PTPRD: variants seen among roughly 807,000 people sequenced by gnomAD.
The protein encoded by PTPRD is protein tyrosine phosphatase receptor type D, also known as receptor-type tyrosine-protein phosphatase delta.
PTPRD carries 34 observed loss-of-function variants against 214.5 expected under a neutral mutation model. The observed-to-expected ratio is 0.16, with a 90% CI of 0.12 to 0.21. PTPRD has a LOEUF of 0.21. Ranked by LOEUF, PTPRD falls within the 10% of genes least tolerant of loss-of-function variation. The pLI, the probability that PTPRD is intolerant of heterozygous loss-of-function variation, is 1.00. For missense variants in PTPRD, 2,545 were observed against 2,398.7 expected (o/e 1.06, Z -1.27); for synonymous variants, 1,128 against 845.7 (o/e 1.33, Z -5.79).
intron 9 of PTPRD, among the ~76,000 whole-genome samples, chr9:9,274,151 C>T (rs1163358097): frequency 1.3e-5 from 2 of 151,132 alleles, no homozygotes; most frequent in Non-Finnish European, 3.0e-5. Context: ...CACAGCTGTG[C>T]TCAAATCCTA....
chr9:10,055,387 T>C (rs996882588), intron 3 of PTPRD, among the ~76,000 whole-genome samples: 11 of 152,128 alleles, frequency 7.2e-5, no homozygotes, highest in Non-Finnish European at 1.5e-4. Flanking sequence ...ACATTTTCCA[T>C]ATACTCTTTC....
Position 9,681,768 on chromosome 9 carries a change from G to A in PTPRD, c.-287+52765C>T, listed in dbSNP as rs577500950. On this transcript the variant is annotated intron_variant, in intron 7 of 45. Coordinates refer to ENST00000381196, the MANE Select transcript of PTPRD (RefSeq NM_002839.4). ...AGACTAGCAGTTACTTTAATTAAAA[G>A]GTGGTCACTAGAGAATTGATTTCCT... 3.3e-5 allele frequency among the ~76,000 whole-genome samples: 5 copies of A among 151,826 alleles called. No homozygotes were observed. The South Asian group carries it at 1.0e-3, about 32-fold the overall frequency.
At chr9:8,717,995 C>G (rs1451801155) in intron 12 of PTPRD, among the ~76,000 whole-genome samples, 1 of 152,114 alleles carries the variant, frequency 6.6e-6, no homozygotes, top group Non-Finnish European at 1.5e-5. Flanking sequence ...CCTTGTAACT[C>G]AAATGCCTGC....
intron 11 of PTPRD, among the ~76,000 whole-genome samples, chr9:9,005,843 G>T (rs1249738483): frequency 6.6e-6 from 1 of 151,942 alleles, no homozygotes; most frequent in Non-Finnish European, 1.5e-5. Context: ...ATTGTTCAGT[G>T]GCTGGGCTAC....
At chr9:8,505,216 C>T (rs1281299159) in intron 22 of PTPRD, among the ~76,000 whole-genome samples, 1 of 152,154 alleles carries the variant, frequency 6.6e-6, no homozygotes, top group East Asian at 1.9e-4. Flanking sequence ...CAATCTTGAA[C>T]ATCAGCCTGC....
chr9:9,760,535 C>G (rs757170323), intron 6 of PTPRD, among the ~76,000 whole-genome samples: 5 of 150,058 alleles, frequency 3.3e-5, no homozygotes, highest in Non-Finnish European at 7.4e-5. Flanking sequence ...TATGTACAGC[C>G]TCCTGATTGT....
chr9:9,075,443 G>C (rs886693503), intron 10 of PTPRD, among the ~76,000 whole-genome samples: 1 of 151,652 alleles, frequency 6.6e-6, no homozygotes, highest in African/African-American at 2.4e-5. Context: ...TTAAGTTCTA[G>C]GGTACATGTG....
chr9:10,589,748 G>A (rs2074946504), intron 2 of PTPRD, among the ~76,000 whole-genome samples: 1 of 151,948 alleles, frequency 6.6e-6, no homozygotes, highest in African/African-American at 2.4e-5. Flanking sequence ...GGCAGCAGAA[G>A]GCTTAGAATC....
rs192305661 is a variant in PTPRD at position 8,638,996 on chromosome 9, C to T, written c.65-2152G>A. Among the ~76,000 whole-genome samples the T allele has an allele frequency of 1.2e-3, 184 of 152,230 alleles. 2 individuals are homozygous for T. Among genetic ancestry groups the T allele is most frequent in the African/African-American group, 4.3e-3 (178 of 41,536 alleles). On this transcript the variant is annotated intron_variant, in intron 12 of 45. Coordinates refer to ENST00000381196, the MANE Select transcript of PTPRD (RefSeq NM_002839.4). ...TAGCTAGGACTACAGGTGCGTACCA[C>T]CACGCTCAGCTAATTTTTGTATTTT...
intron 3 of PTPRD, among the ~76,000 whole-genome samples, chr9:10,170,682 G>A (rs563356356): frequency 2.0e-5 from 3 of 152,218 alleles, no homozygotes; most frequent in East Asian, 1.9e-4. Flanking sequence ...GCAAGACTCC[G>A]TCTCAAAGAA....
In PTPRD at chr9:9,584,941, T is replaced by A. The variant is rs893557865; in HGVS notation, c.-286-10160A>T. ...CAAAAAATTCTAATGATGCCCTTTA[T>A]TGCACAACCACAAGGATGCCAAGAC... On this transcript the variant is annotated intron_variant, in intron 7 of 45. Coordinates refer to ENST00000381196, the MANE Select transcript of PTPRD (RefSeq NM_002839.4). Among the ~76,000 whole-genome samples, 2 of 152,132 alleles carry A rather than the reference T, an allele frequency of 1.3e-5. 1 individual carries two copies. The highest frequency in any genetic ancestry group is 4.1e-4 in the South Asian group (2 of 4,830).
At chr9:9,318,086 A>C (rs1964295132) in intron 9 of PTPRD, among the ~76,000 whole-genome samples, 2 of 152,058 alleles carry the variant, frequency 1.3e-5, no homozygotes, top group Non-Finnish European at 2.9e-5. Flanking sequence ...CAGAAGAATC[A>C]TTTGAACCAG....
chr9:8,368,652 G>C (rs995445402), intron 39 of PTPRD, among the ~76,000 whole-genome samples: 1 of 148,732 alleles, frequency 6.7e-6, no homozygotes, highest in South Asian at 2.1e-4. Context: ...ACCTACTGGG[G>C]ACACTATGCA....
intron 5 of PTPRD, among the ~76,000 whole-genome samples, chr9:9,843,648 A>G (rs1484343303): frequency 1.3e-5 from 2 of 152,040 alleles, no homozygotes. Context: ...AGTAACAGCA[A>G]TAGATGAATA....
At chr9:8,396,139 C>T (rs1270701958) in intron 36 of PTPRD, among the ~76,000 whole-genome samples, 2 of 152,006 alleles carry the variant, frequency 1.3e-5, no homozygotes, top group Non-Finnish European at 2.9e-5. Flanking sequence ...GTCTCCTCAT[C>T]ACTAATATGA....
intron 2 of PTPRD, among the ~76,000 whole-genome samples, chr9:10,456,740 AC>A (rs1262572370): frequency 5.9e-5 from 9 of 151,896 alleles, no homozygotes; most frequent in African/African-American, 1.9e-4. Context: ...CAATGGAAAC[AC>A]ATTTGTAGTC....
chr9:9,590,004 A>T (rs1035263638), intron 7 of PTPRD, among the ~76,000 whole-genome samples: 3 of 151,990 alleles, frequency 2.0e-5, no homozygotes, highest in Non-Finnish European at 2.9e-5. Flanking sequence ...CAAAAGAGTA[A>T]GCAACTCTTA....
At chr9:9,482,019 T>C (rs1413023388) in intron 8 of PTPRD, among the ~76,000 whole-genome samples, 1 of 152,110 alleles carries the variant, frequency 6.6e-6, no homozygotes, top group East Asian at 1.9e-4. Context: ...AACATGTTCT[T>C]AACAGTCTCT....
intron 7 of PTPRD, among the ~76,000 whole-genome samples, chr9:9,580,609 T>A (rs9408775): frequency 6.8e-6 from 1 of 146,376 alleles, no homozygotes; most frequent in Admixed American, 6.9e-5. Context: ...AGTGCAGTGG[T>A]GTGATCTCTG....
Sources: gnomAD v4.1 joint callset for allele counts (sites outside exome capture counted in the v4.1 genomes callset) on GRCh38, gnomAD v4.1.1 for gene constraint, MANE v1.5 for transcripts, NCBI Gene and HGNC (gene_info 2026-07-23, HGNC 2026-07-21) for gene names.